The following IGFBP2 variants were observed in gnomAD, a reference collection of about 807,000 sequenced individuals.
The protein encoded by IGFBP2 is insulin like growth factor binding protein 2, also known as insulin-like growth factor-binding protein 2.
A neutral mutation model predicts 26.2 loss-of-function variants in IGFBP2; 12 were observed. That is an observed-to-expected ratio of 0.46 (90% CI 0.29 to 0.74). The LOEUF is 0.74. Ranked by LOEUF, IGFBP2 falls within the 30% of genes least tolerant of loss-of-function variation. The pLI is 0.09. For synonymous variants in IGFBP2, 189 were observed against 200.6 expected (o/e 0.94, Z 0.49); for missense variants, 328 against 441.2 (o/e 0.74, Z 2.30).
intron 1 of IGFBP2, among the ~76,000 whole-genome samples, chr2:216,654,593 T>A (rs1391990297): frequency 6.6e-6 from 1 of 151,240 alleles, no homozygotes; most frequent in Non-Finnish European, 1.5e-5. Flanking sequence ...TGGTCAACTC[T>A]TTCATTTCCC....
intron 1 of IGFBP2, chr2:216,659,654 T>G (rs1574567357): frequency 7.3e-7 from 1 of 1,367,750 alleles, no homozygotes; most frequent in Non-Finnish European, 1.0e-6. Context: ...AAGGCCTCCT[T>G]CACCTAGGCT....
Position 216,664,144 on chromosome 2 carries a change from C to T in IGFBP2, c.*40C>T. 2 of 1,483,394 alleles carry T rather than the reference C, an allele frequency of 1.3e-6. No individual in the cohort carries two copies. The highest frequency in any genetic ancestry group is 2.0e-4 in the Middle Eastern group (1 of 4,988). The allele number at this position is 1,483,394 out of a possible 1,614,324, so 91.9% of individuals were successfully genotyped here. A position where few individuals can be genotyped will look rare whatever the true frequency, so the allele number is the denominator to read the frequency against. On this transcript the variant is annotated 3_prime_UTR_variant, in exon 4 of 4. Transcript: ENST00000233809. The surrounding 1 kb of genome is among the most constrained non-coding windows in gnomAD (Gnocchi z 4.6). ...GTGCCTGGCGCCCCTGCCCCCCGCC[C>T]CTCTCCAAACACCGGCAGAAAACGG... is the stretch of plus-strand genomic sequence containing the variant.
Position 216,660,585 on chromosome 2 carries a change from C to T in IGFBP2, c.471C>T (p.Gly157=). 1.2e-6 allele frequency: 2 copies of T among 1,611,498 alleles called. No individual in the cohort carries two copies. The highest frequency in any genetic ancestry group is 1.3e-5 in the African/African-American group (1 of 74,996). The change falls in exon 2 of 4, where the codon GGC becomes GGT. Residue 157 remains glycine (G), a synonymous_variant. Transcript: ENST00000233809. ...ATGGCGATGACCACTCAGAAGGAGGCCTGGTGGAGAACCACGTGGACAGCA... is the reference window on the plus strand; with the variant it reads ...ATGGCGATGACCACTCAGAAGGAGGTCTGGTGGAGAACCACGTGGACAGCA... ...ADNGDDHSEG[G]LVENHVDSTM... is the part of the protein sequence containing the mutation.
At chr2:216,646,779 A>T (rs1454508770) in intron 1 of IGFBP2, among the ~76,000 whole-genome samples, 1 of 152,098 alleles carries the variant, frequency 6.6e-6, no homozygotes, top group Admixed American at 6.5e-5. Flanking sequence ...GGAAAGACCT[A>T]CCCCGATGAT....
Position 216,633,558 on chromosome 2 carries a change from TGCCGCCGCC to T in IGFBP2, c.41_49del (p.Pro14_Pro16del), listed in dbSNP as rs1414475116. ...AGAGTGGGCTGCCCCGCGCTGCCGC[TGCCGCCGCC>T]GCCGCTGCTGCCGCTGCTGCTGCTG... On this transcript the variant is annotated inframe_deletion, in exon 1 of 4. Coordinates refer to ENST00000233809, the MANE Select transcript of IGFBP2 (RefSeq NM_000597.3). The T allele has an allele frequency of 2.4e-4, 28 of 114,628 alleles. No individual in the cohort carries two copies. Among genetic ancestry groups the T allele is most frequent in the Non-Finnish European group, 3.9e-4 (27 of 69,086 alleles). The allele number at this position is 114,628 out of a possible 1,614,324, so 7.1% of individuals were successfully genotyped here.
At chr2:216,655,007 T>G (rs1436815789) in intron 1 of IGFBP2, among the ~76,000 whole-genome samples, 2 of 152,164 alleles carry the variant, frequency 1.3e-5, no homozygotes, top group Non-Finnish European at 2.9e-5. Context: ...ACTGCCTCTG[T>G]GGGCCCTTCT....
rs1357688734 is a variant in IGFBP2 at position 216,664,135 on chromosome 2, C to A, written c.*31C>A. On this transcript the variant is annotated 3_prime_UTR_variant, in exon 4 of 4. Coordinates refer to ENST00000233809, the MANE Select transcript of IGFBP2 (RefSeq NM_000597.3). This position sits in a 1 kb window ranked among gnomAD's most constrained non-coding sequence, Gnocchi z 4.6. ...AGCCAGCCGGTGCCTGGCGCCCCTG[C>A]CCCCCGCCCCTCTCCAAACACCGGC... is the stretch of plus-strand genomic sequence containing the variant. The A allele has an allele frequency of 1.3e-6, 2 of 1,504,008 alleles. No homozygotes were observed. Among genetic ancestry groups the A allele is most frequent in the Non-Finnish European group, 1.8e-6 (2 of 1,119,168 alleles). 93.2% of individuals were successfully genotyped at this position (1,504,008 alleles called of 1,614,324 possible). A position where few individuals can be genotyped will look rare whatever the true frequency, so the allele number is the denominator to read the frequency against.
rs574874062 is a variant in IGFBP2, at chr2:216,663,685, A to T, written c.814-255A>T. 119 of 404,004 alleles carry T rather than the reference A, an allele frequency of 2.9e-4. No homozygotes were observed. In the South Asian group the frequency reaches 5.0e-3, roughly 17 times the overall value. The allele number at this position is 404,004 out of a possible 1,614,324, so 25.0% of individuals were successfully genotyped here. On this transcript the variant is annotated intron_variant, in intron 3 of 3. Transcript: ENST00000233809. ...TGTCCTGAATGGCCTTGCTAATCAG[A>T]GGGGTCCCTGGGCGGGCAGCATCAG...
intron 1 of IGFBP2, among the ~76,000 whole-genome samples, chr2:216,643,490 C>T (rs1007710908): frequency 6.6e-6 from 1 of 152,126 alleles, no homozygotes. Context: ...GGTCAGAATA[C>T]GCTTATGGTG....
At chr2:216,649,844 C>T (rs773490673) in intron 1 of IGFBP2, among the ~76,000 whole-genome samples, 1 of 152,080 alleles carries the variant, frequency 6.6e-6, no homozygotes, top group Non-Finnish European at 1.5e-5. Flanking sequence ...TCTGTTCACT[C>T]GGGGGGAGCC....
intron 2 of IGFBP2, 128 bp from the exon 3 acceptor site, chr2:216,661,730 C>T: frequency 9.0e-7 from 1 of 1,105,828 alleles, no homozygotes; most frequent in Admixed American, 2.0e-5. Flanking sequence ...CCTGTGCCCC[C>T]TGCTGGCTGT....
chr2:216,645,469 T>C (rs1697694265), intron 1 of IGFBP2, among the ~76,000 whole-genome samples: 1 of 152,222 alleles, frequency 6.6e-6, no homozygotes, highest in East Asian at 1.9e-4. Flanking sequence ...GGCCACTGGC[T>C]ACATGACTTT....
intron 1 of IGFBP2, among the ~76,000 whole-genome samples, chr2:216,640,379 A>G (rs1356409364): frequency 6.6e-6 from 1 of 152,192 alleles, no homozygotes; most frequent in Non-Finnish European, 1.5e-5. Flanking sequence ...AAACCAAGGC[A>G]TAGAAGCGGG....
intron 1 of IGFBP2, among the ~76,000 whole-genome samples, chr2:216,643,805 C>T (rs1697660193): frequency 6.6e-6 from 1 of 152,102 alleles, no homozygotes; most frequent in Non-Finnish European, 1.5e-5. Context: ...ATGGTGGAGG[C>T]AGGAAAGGAA....
intron 1 of IGFBP2, among the ~76,000 whole-genome samples, chr2:216,648,351 C>G (rs1697755674): frequency 1.3e-5 from 2 of 152,164 alleles, no homozygotes; most frequent in Admixed American, 6.5e-5. Context: ...CTTCTACTAC[C>G]TTTGGGTCTT....
rs529528723 is a variant in IGFBP2 at position 216,653,264 on chromosome 2, C to G, written c.443-7293C>G. On this transcript the variant is annotated intron_variant, in intron 1 of 3. Transcript: ENST00000233809. ...TCCAAATAGAGCACTGAGGTCAGAACATTGTGCTAGGAGAAAATGAGATTT... is the reference window on the plus strand; with the variant it reads ...TCCAAATAGAGCACTGAGGTCAGAAGATTGTGCTAGGAGAAAATGAGATTT... Among the ~76,000 whole-genome samples, 3 of 152,272 alleles carry G rather than the reference C, an allele frequency of 2.0e-5. No homozygotes were observed. The South Asian group carries it at 6.2e-4, about 32-fold the overall frequency.
chr2:216,639,528 A>G (rs943794568), intron 1 of IGFBP2, among the ~76,000 whole-genome samples: 1 of 151,606 alleles, frequency 6.6e-6, no homozygotes, highest in Non-Finnish European at 1.5e-5. Context: ...CCCGCGTACT[A>G]GAAGACTGTA....
intron 3 of IGFBP2, chr2:216,662,300 C>T: frequency 2.5e-6 from 1 of 394,840 alleles, no homozygotes; most frequent in Non-Finnish European, 4.7e-6. Context: ...AGCATCTTTG[C>T]TTTGATCGGA....
At chr2:216,643,324 T>C (rs1249065385) in intron 1 of IGFBP2, among the ~76,000 whole-genome samples, 1 of 152,208 alleles carries the variant, frequency 6.6e-6, no homozygotes, top group Non-Finnish European at 1.5e-5. Flanking sequence ...TTCTGAGTAC[T>C]GGGGCTCTAC....
Sources: gnomAD v4.1 joint callset for allele counts (sites outside exome capture counted in the v4.1 genomes callset) on GRCh38, gnomAD v4.1.1 for gene constraint, Gnocchi (gnomAD v3.1) non-coding constraint, MANE v1.5 for transcripts, NCBI Gene and HGNC (gene_info 2026-07-23, HGNC 2026-07-21) for gene names.